The following JUP variants were observed in gnomAD, a reference collection of about 807,000 sequenced individuals.
The protein encoded by JUP is catenin (cadherin-associated protein), gamma 80kDa.
JUP carries 28 observed loss-of-function variants against 71.1 expected under a neutral mutation model. The ratio of observed to expected loss-of-function variants is 0.39; its 90% confidence interval spans 0.29 to 0.54. The LOEUF (loss-of-function observed/expected upper bound fraction) is 0.54, where lower values mean the gene tolerates loss of function less well. Ranked by LOEUF, JUP falls within the 20% of genes least tolerant of loss-of-function variation. JUP has a pLI of 0.62. For synonymous variants in JUP, 401 were observed against 438.9 expected (o/e 0.91, Z 1.08); for missense variants, 869 against 1,030.1 (o/e 0.84, Z 2.14).
At chr17:41,783,178 A>G (rs74871137) in intron 1 of JUP, among the ~76,000 whole-genome samples, 16,985 of 151,836 alleles carry the variant, frequency 0.11, 1,315 homozygotes, top group African/African-American at 0.22. Flanking sequence ...AGAGGACCCA[A>G]ACGTCAGTCT....
rs373919544 is a variant in JUP, at chr17:41,757,700, C to T, written c.1858G>A (p.Ala620Thr). ...ELAQDKEAAD[A>T]IDAEGASAPL... ...GCCGAGGCCCCCTCTGCATCAATGG[C>T]GTCGGCCGCCTCCTTGTCCTGGGCC... Residue 620 changes from alanine (A) to threonine (T), a missense_variant, in exon 11 of 14, where the codon GCC becomes ACC. Physicochemically the swap from Ala to Thr is moderately conservative, Grantham distance 58. Coordinates refer to ENST00000393931, the MANE Select transcript of JUP (RefSeq NM_002230.4). The T allele has an allele frequency of 3.7e-6, 6 of 1,613,096 alleles. No individual in the cohort carries two copies. The highest frequency in any genetic ancestry group is 1.6e-4 in the Middle Eastern group (1 of 6,084).
chr17:41,758,072 T>C (rs1234405321), intron 10 of JUP: 5 of 541,144 alleles, frequency 9.2e-6, no homozygotes, highest in African/African-American at 5.6e-5. Flanking sequence ...TACTTGCACA[T>C]ATTCTCCCAG....
intron 5 of JUP, among the ~76,000 whole-genome samples, chr17:41,766,786 C>T (rs1175524305): frequency 1.3e-5 from 2 of 149,598 alleles, no homozygotes; most frequent in Admixed American, 6.7e-5. Context: ...ACCCGGGAGG[C>T]GAAGGTTGCA....
rs555380318 is a variant in JUP at position 41,781,934 on chromosome 17, C to A, written c.-9+4654G>T. 1.1e-4 allele frequency among the ~76,000 whole-genome samples: 17 copies of A among 152,310 alleles called. No homozygotes were observed. The South Asian group carries it at 1.5e-3, about 13-fold the overall frequency. On this transcript the variant is annotated intron_variant, in intron 1 of 13. Transcript: ENST00000393931. ...GATGGAAAAACTGCAACCTCATGCC[C>A]TCTTTGTAGTAGTCAGTGGGATGGG...
chr17:41,762,168 A>AGTGTGTGT (rs1567808367), intron 8 of JUP, among the ~76,000 whole-genome samples: 2 of 49,506 alleles, frequency 4.0e-5, no homozygotes, highest in African/African-American at 1.5e-4. Context: ...AGAGAGAGAG[A>AGTGTGTGT]GAGAGAGAGT....
At chr17:41,777,933 T>C (rs543534888) in intron 1 of JUP, among the ~76,000 whole-genome samples, 1 of 152,314 alleles carries the variant, frequency 6.6e-6, no homozygotes, top group Non-Finnish European at 1.5e-5. Flanking sequence ...ATTCCCAAAC[T>C]GGCAGATGAC....
rs782690097 is a variant in JUP at position 41,764,775 on chromosome 17, G to T, written c.1096C>A (p.Pro366Thr). Residue 366 changes from proline (P) to threonine (T), a missense_variant, in exon 7 of 14, where the codon CCC (proline) becomes ACC (threonine). Pro to Thr is a conservative substitution (Grantham distance 38). Coordinates refer to ENST00000393931, the MANE Select transcript of JUP (RefSeq NM_002230.4). ...ALGKHLTSNS[P>T]RLVQNCLWTL... ...CACAGGCAGTTCTGCACCAGGCGGGGGCTGTTGCTGGTCAGGTGCTTGCCC... is the reference window on the plus strand; with the variant it reads ...CACAGGCAGTTCTGCACCAGGCGGGTGCTGTTGCTGGTCAGGTGCTTGCCC... 6.8e-6 allele frequency: 11 copies of T among 1,613,686 alleles called. No individual in the cohort carries two copies. Among genetic ancestry groups the T allele is most frequent in the Non-Finnish European group, 7.6e-6 (9 of 1,179,964 alleles).
At chr17:41,757,310 A>G in intron 12 of JUP, 105 bp downstream of exon 12, 1 of 1,260,886 alleles carries the variant, frequency 7.9e-7, no homozygotes. Context: ...ATTACAAAAT[A>G]AAAATCTATG....
At chr17:41,763,399 T>A in intron 7 of JUP, 78 bp from the exon 8 acceptor site, 1 of 1,080,938 alleles carries the variant, frequency 9.3e-7, no homozygotes, top group Non-Finnish European at 1.4e-6. Flanking sequence ...CCAAGGGGAG[T>A]GGGATGACCT....
intron 8 of JUP, among the ~76,000 whole-genome samples, chr17:41,762,172 A>AGT (rs1567808437): frequency 3.9e-4 from 17 of 44,088 alleles, no homozygotes; most frequent in African/African-American, 1.5e-3. Flanking sequence ...AGAGAGAGAG[A>AGT]GAGAGTGTGT....
At position 41,763,244 on chromosome 17, in the gene JUP, C is replaced by T. The variant is rs376391674; in HGVS notation, c.1236G>A (p.Thr412=). ...TGCATGTCAGGTTGGAGAGTGTGCC[C>T]GTGGCACAGGTGAGGACGTTGACGT... The part of the protein sequence containing the change: ...VDDVNVLTCA[T]GTLSNLTCNN... The change falls in exon 8 of 14, where the codon ACG becomes ACA. Residue 412 remains threonine (T), a synonymous_variant. Coordinates refer to ENST00000393931, the MANE Select transcript of JUP (RefSeq NM_002230.4). 15 of 1,613,940 alleles carry T rather than the reference C, an allele frequency of 9.3e-6. No homozygotes were observed. Among genetic ancestry groups the T allele is most frequent in the South Asian group, 4.4e-5 (4 of 91,084 alleles).
rs1054308239 is a variant in JUP at position 41,776,079 on chromosome 17, A to G, written c.-8-4217T>C. The G allele has an allele frequency of 6.2e-5, 45 of 720,916 alleles. No individual in the cohort carries two copies. The African/African-American group carries it at 6.5e-4, about 10-fold the overall frequency. The allele number at this position is 720,916 out of a possible 1,614,324, so 44.7% of individuals were successfully genotyped here. On this transcript the variant is annotated intron_variant, in intron 1 of 13. Coordinates refer to ENST00000393931, the MANE Select transcript of JUP (RefSeq NM_002230.4). ...ACCAAGTGCCAAGACACCTGGAAAT[A>G]AGGACAGGAGTGGGTTACCCCAGAG...
chr17:41,780,782 CGCTTATAATCCCA>C (rs2047121174), intron 1 of JUP, among the ~76,000 whole-genome samples: 1 of 151,834 alleles, frequency 6.6e-6, no homozygotes, highest in African/African-American at 2.4e-5. Flanking sequence ...CGGTGGCTCA[CGCTTATAATCCCA>C]GCATGTCGGG....
Position 41,763,317 on chromosome 17 carries a change from C to A in JUP, c.1163G>T (p.Gly388Val). ...NLSDVATKQE[G>V]LESVLKILVN... ...CAGAATCTTCAGCACACTCTCCAGG[C>A]CCTCCTGGAGGGCAAGGAAGGGACG... The change falls in exon 8 of 14, where the codon GGC (glycine) becomes GTC (valine). Residue 388 changes from glycine to valine, a missense_variant. By Grantham distance (109) the Gly-to-Val change is moderately radical. Transcript: ENST00000393931. The A allele has an allele frequency of 6.2e-7, 1 of 1,612,514 alleles. No individual in the cohort carries two copies.
Position 41,755,872 on chromosome 17 carries a change from T to C in JUP, c.2110A>G (p.Met704Val), listed in dbSNP as rs1193204524. Residue 704 changes from methionine (M) to valine (V), a missense_variant, in exon 14 of 14, where the codon ATG (methionine) becomes GTG (valine). By Grantham distance (21) the Met-to-Val change is conservative. Transcript: ENST00000393931. The stretch of plus-strand genomic sequence containing the variant: ...TCAAGGGGCACATCGCTGGAGTACA[T>C]GGGGCGGTAGGTGGCATCCATGTCT... ...GDDMDATYRP[M>V]YSSDVPLDPL... 13 of 1,611,126 alleles carry C rather than the reference T, an allele frequency of 8.1e-6. No individual in the cohort carries two copies. The highest frequency in any genetic ancestry group is 1.3e-5 in the African/African-American group (1 of 74,834).
Position 41,757,737 on chromosome 17 carries a change from C to T in JUP, c.1821G>A (p.Val607=). The T allele has an allele frequency of 6.2e-7, 1 of 1,612,952 alleles. No individual in the cohort carries two copies. Among genetic ancestry groups the T allele is most frequent in the Non-Finnish European group, 8.5e-7 (1 of 1,179,322 alleles). The change falls in exon 11 of 14, where the codon GTG becomes GTA. Residue 607 remains valine, a synonymous_variant. Transcript: ENST00000393931. ...VENIQRVAAG[V]LCELAQDKEA... is the part of the protein sequence containing the mutation. The stretch of plus-strand genomic sequence containing the variant: ...CCTTGTCCTGGGCCAGCTCACACAG[C>T]ACCCCGGCAGCCACGCGCTGGATGT...
intron 2 of JUP, 183 bp downstream of exon 2, chr17:41,771,464 C>G: frequency 4.8e-6 from 3 of 626,346 alleles, no homozygotes; most frequent in Non-Finnish European, 8.5e-6. Context: ...GTGACCCTCC[C>G]AGATGCAGCA....
At chr17:41,768,604 G>A (rs1278084202) in intron 4 of JUP, among the ~76,000 whole-genome samples, 3 of 151,968 alleles carry the variant, frequency 2.0e-5, no homozygotes, top group Non-Finnish European at 1.5e-5. Flanking sequence ...TTTTGTAGGG[G>A]GCCAGGAAAC....
rs75091829 is a variant in JUP, at chr17:41,772,086, G to A, written c.-8-224C>T. The A allele has an allele frequency of 9.7e-3, 6,158 of 634,148 alleles. 264 individuals are homozygous for A. The highest frequency in any genetic ancestry group is 0.096 in the African/African-American group (5,376 of 55,854). The allele number at this position is 634,148 out of a possible 1,614,324, so 39.3% of individuals were successfully genotyped here. A position where few individuals can be genotyped will look rare whatever the true frequency, so the allele number is the denominator to read the frequency against. On this transcript the variant is annotated intron_variant, in intron 1 of 13. Transcript: ENST00000393931. ...TGGGAGCAGTGAGCCCCAGGGGTGC[G>A]GCTGTGTGTATGTCCTGGGCTTGCA...
Sources: gnomAD v4.1 joint callset for allele counts (sites outside exome capture counted in the v4.1 genomes callset) on GRCh38, gnomAD v4.1.1 for gene constraint, MANE v1.5 for transcripts, NCBI Gene and HGNC (gene_info 2026-07-23, HGNC 2026-07-21) for gene names.